B3GALT1: variants seen among roughly 807,000 people sequenced by gnomAD.
B3GALT1 encodes the protein UDP-Gal:betaGlcNAc beta 1,3-galactosyltransferase, polypeptide 1.
In B3GALT1, 10 loss-of-function variants were observed where a neutral mutation model predicts 23.2. The observed-to-expected ratio is 0.43, with a 90% CI of 0.27 to 0.73. The LOEUF (loss-of-function observed/expected upper bound fraction) is 0.73. Among genes scored for constraint, B3GALT1 ranks in the 30% least tolerant of loss-of-function variants. The pLI is 0.21. For synonymous variants in B3GALT1, 156 were observed against 141.5 expected (o/e 1.10, Z -0.73); for missense variants, 299 against 405.4 (o/e 0.74, Z 2.25).
intron 1 of B3GALT1, among the ~76,000 whole-genome samples, chr2:167,430,037 A>C (rs1698685413): frequency 1.3e-5 from 2 of 152,238 alleles, no homozygotes; most frequent in East Asian, 1.9e-4. Context: ...TATTTAAATA[A>C]AATGCACAGT....
intron 2 of B3GALT1, among the ~76,000 whole-genome samples, chr2:167,516,489 T>C (rs191174082): frequency 4.7e-4 from 72 of 152,260 alleles, no homozygotes; most frequent in African/African-American, 1.7e-3. Context: ...CTGACCAAAG[T>C]GTTTAAGTTC....
intron 1 of B3GALT1, among the ~76,000 whole-genome samples, chr2:167,296,612 G>A (rs1574021710): frequency 6.6e-6 from 1 of 152,104 alleles, no homozygotes; most frequent in East Asian, 1.9e-4. Flanking sequence ...GCATCATAAA[G>A]GAATATTCTC....
chr2:167,507,311 C>G (rs1478442213), intron 2 of B3GALT1, among the ~76,000 whole-genome samples: 1 of 151,502 alleles, frequency 6.6e-6, no homozygotes, highest in African/African-American at 2.4e-5. Context: ...TCAAGACCAT[C>G]CTGGCCAACA....
intron 2 of B3GALT1, among the ~76,000 whole-genome samples, chr2:167,604,325 G>A (rs1479752431): frequency 6.6e-6 from 1 of 152,092 alleles, no homozygotes; most frequent in Non-Finnish European, 1.5e-5. Flanking sequence ...TTTGCTCCAC[G>A]GGAAGTAGGA....
At chr2:167,355,874 A>G (rs1214172793) in intron 1 of B3GALT1, among the ~76,000 whole-genome samples, 3 of 152,174 alleles carry the variant, frequency 2.0e-5, no homozygotes, top group Admixed American at 2.0e-4. Flanking sequence ...TTCTTTCTTC[A>G]AAAAGGATAA....
intron 2 of B3GALT1, among the ~76,000 whole-genome samples, chr2:167,591,789 T>C (rs377219703): frequency 1.3e-5 from 2 of 151,960 alleles, no homozygotes; most frequent in East Asian, 3.9e-4. Context: ...GTTTTTGTTG[T>C]TGTTGTTGTT....
At chr2:167,730,257 T>C (rs1281723947) in intron 3 of B3GALT1, among the ~76,000 whole-genome samples, 1 of 152,070 alleles carries the variant, frequency 6.6e-6, no homozygotes, top group Non-Finnish European at 1.5e-5. Context: ...TTTTTCAAGG[T>C]TGAATGGCAT....
intron 3 of B3GALT1, among the ~76,000 whole-genome samples, chr2:167,651,086 C>T (rs150373036): frequency 1.2e-4 from 18 of 151,804 alleles, no homozygotes; most frequent in Non-Finnish European, 2.2e-4. Context: ...CTGAGATTCT[C>T]GGTGAAAAAA....
chr2:167,629,124 C>G (rs528281659), intron 2 of B3GALT1, among the ~76,000 whole-genome samples: 1 of 151,558 alleles, frequency 6.6e-6, no homozygotes, highest in Non-Finnish European at 1.5e-5. Context: ...ATTCCTTAGA[C>G]AGGCAAAATG....
At chr2:167,546,785 A>G (rs1378047155) in intron 2 of B3GALT1, among the ~76,000 whole-genome samples, 4 of 152,154 alleles carry the variant, frequency 2.6e-5, no homozygotes, top group Non-Finnish European at 4.4e-5. Flanking sequence ...TCTCACTCAT[A>G]TATTTCCCTG....
chr2:167,712,014 T>G (rs1193569333), intron 3 of B3GALT1, among the ~76,000 whole-genome samples: 1 of 152,204 alleles, frequency 6.6e-6, no homozygotes, highest in East Asian at 1.9e-4. Flanking sequence ...AATGCAAAAC[T>G]TATTAGCTTT....
At chr2:167,460,590 C>T (rs1464742050) in intron 1 of B3GALT1, among the ~76,000 whole-genome samples, 1 of 151,858 alleles carries the variant, frequency 6.6e-6, no homozygotes, top group African/African-American at 2.4e-5. Context: ...AATAGATCTG[C>T]CATCAGATCT....
At position 167,463,001 on chromosome 2, in the gene B3GALT1, G is replaced by A. The variant is rs73022075; in HGVS notation, c.-510-27176G>A. The stretch of plus-strand genomic sequence containing the variant: ...TGTTTATGATAAAATAAATGAGAAC[G>A]TATCTGTTAATGAAATTTGGTTTCT... On this transcript the variant is annotated intron_variant, in intron 1 of 4. Coordinates refer to ENST00000392690, the MANE Select transcript of B3GALT1 (RefSeq NM_020981.4). Among the ~76,000 whole-genome samples the A allele has an allele frequency of 3.6e-3, 548 of 152,168 alleles. 3 individuals carry two copies. The highest frequency in any genetic ancestry group is 0.013 in the African/African-American group (528 of 41,526).
chr2:167,839,464 C>G (rs1689579739), intron 4 of B3GALT1, among the ~76,000 whole-genome samples: 1 of 152,246 alleles, frequency 6.6e-6, no homozygotes. Context: ...AGGAATCCAA[C>G]TTACAAGGGA....
At chr2:167,822,651 T>C (rs567192111) in intron 4 of B3GALT1, among the ~76,000 whole-genome samples, 2 of 152,314 alleles carry the variant, frequency 1.3e-5, no homozygotes, top group Admixed American at 1.3e-4. Context: ...TACTCCCACC[T>C]GGCTTCAGAC....
intron 2 of B3GALT1, among the ~76,000 whole-genome samples, chr2:167,564,970 T>C (rs1194357665): frequency 6.6e-6 from 1 of 152,204 alleles, no homozygotes; most frequent in Admixed American, 6.5e-5. Flanking sequence ...CCTATCAAGC[T>C]ACCAATGACT....
At chr2:167,728,072 A>G (rs1687348198) in intron 3 of B3GALT1, among the ~76,000 whole-genome samples, 1 of 152,152 alleles carries the variant, frequency 6.6e-6, no homozygotes, top group South Asian at 2.1e-4. Flanking sequence ...AATCTTCTGT[A>G]TACACAATAT....
chr2:167,385,490 A>C (rs1239301090), intron 1 of B3GALT1, among the ~76,000 whole-genome samples: 1 of 152,224 alleles, frequency 6.6e-6, no homozygotes, highest in Admixed American at 6.5e-5. Flanking sequence ...GTACATGCTC[A>C]GTAAATATTT....
intron 1 of B3GALT1, among the ~76,000 whole-genome samples, chr2:167,355,674 T>C (rs1697389240): frequency 6.6e-6 from 1 of 152,212 alleles, no homozygotes; most frequent in Non-Finnish European, 1.5e-5. Flanking sequence ...GTTTTTTATA[T>C]TCCTGAAATT....
Sources: allele counts gnomAD v4.1 joint callset (sites outside exome capture counted in the v4.1 genomes callset), GRCh38; gene constraint gnomAD v4.1.1; transcripts MANE v1.5; gene names NCBI Gene and HGNC (gene_info 2026-07-23, HGNC 2026-07-21).